The following THBS4 variants were observed in gnomAD, a reference collection of about 807,000 sequenced individuals.
THBS4 encodes thrombospondin 4.
A neutral mutation model predicts 115.7 loss-of-function variants in THBS4; 90 were observed. That is an observed-to-expected ratio of 0.78 (90% CI 0.66 to 0.93). The LOEUF (loss-of-function observed/expected upper bound fraction) is 0.93, where lower values mean the gene tolerates loss of function less well. THBS4 is among the 40% of genes least tolerant of loss of function. THBS4 has a pLI of 0.00. For missense variants in THBS4, 1,087 were observed against 1,232.7 expected (o/e 0.88, Z 1.77); for synonymous variants, 460 against 479.3 (o/e 0.96, Z 0.53).
At chr5:79,998,779 T>G (rs548632060) in intron 2 of THBS4, among the ~76,000 whole-genome samples, 2 of 152,222 alleles carry the variant, frequency 1.3e-5, no homozygotes, top group Non-Finnish European at 2.9e-5. Flanking sequence ...AATGGGCACA[T>G]GAAATATCCA....
chr5:80,051,442 G>A (rs1833254169), intron 2 of THBS4, among the ~76,000 whole-genome samples: 1 of 152,218 alleles, frequency 6.6e-6, no homozygotes, highest in African/African-American at 2.4e-5. Flanking sequence ...AATGGGAAAT[G>A]TCAAGGCACT....
At chr5:80,018,542 C>T (rs1053495144) in intron 2 of THBS4, among the ~76,000 whole-genome samples, 3 of 151,504 alleles carry the variant, frequency 2.0e-5, no homozygotes, top group Non-Finnish European at 4.4e-5. Flanking sequence ...TTAGAGGCAC[C>T]TGCCACCACA....
chr5:80,040,002 C>A, intron 1 of THBS4, 75 bp from the exon 2 acceptor site: 1 of 1,323,442 alleles, frequency 7.6e-7, no homozygotes. Flanking sequence ...AATTGCACCC[C>A]CCCCAAACAA....
At chr5:80,009,489 G>A (rs2438615) in intron 2 of THBS4, among the ~76,000 whole-genome samples, 7 of 151,926 alleles carry the variant, frequency 4.6e-5, no homozygotes, top group Admixed American at 1.3e-4. Context: ...AGGAATTAAC[G>A]TTTAGAGTCT....
At chr5:80,040,523 G>A (rs1832866406) in intron 2 of THBS4, among the ~76,000 whole-genome samples, 1 of 152,128 alleles carries the variant, frequency 6.6e-6, no homozygotes, top group African/African-American at 2.4e-5. Flanking sequence ...GATGCTTTTT[G>A]ACATTGTCTC....
chr5:80,007,080 A>T (rs918962303), intron 2 of THBS4, among the ~76,000 whole-genome samples: 2 of 152,210 alleles, frequency 1.3e-5, no homozygotes, highest in Non-Finnish European at 2.9e-5. Context: ...ATACAGTCTC[A>T]GAAGGAGCAG....
chr5:80,015,849 G>A (rs776063073), intron 2 of THBS4, among the ~76,000 whole-genome samples: 45 of 152,220 alleles, frequency 3.0e-4, no homozygotes, highest in Non-Finnish European at 5.0e-4. Flanking sequence ...TCATTAAAAG[G>A]CAAGGTATCT....
In THBS4 at chr5:80,079,227, G is replaced by C. The variant is rs753756205; in HGVS notation, c.2480G>C (p.Arg827Pro). Residue 827 changes from arginine (R) to proline (P), a missense_variant, in exon 19 of 22, where the codon CGA becomes CCA. Arg to Pro is a moderately radical substitution (Grantham distance 103, BLOSUM62 -2). Transcript: ENST00000350881. Reference protein sequence around the residue: ...EQTYWQATPFRAVAEPGIQLK... With the variant: ...EQTYWQATPFPAVAEPGIQLK... The stretch of plus-strand genomic sequence containing the variant: ...ACATATTGGCAAGCCACCCCATTCC[G>C]AGCAGTTGCAGAACCTGGCATTCAG... 6.2e-7 allele frequency: 1 copy of C among 1,613,194 alleles called. No individual in the cohort carries two copies. The highest frequency in any genetic ancestry group is 2.2e-5 in the East Asian group (1 of 44,882).
intron 2 of THBS4, among the ~76,000 whole-genome samples, chr5:80,049,614 ATT>A (rs1451270342): frequency 2.0e-5 from 3 of 152,192 alleles, no homozygotes; most frequent in Admixed American, 1.3e-4. Context: ...GACACACTCT[ATT>A]TTATCTATTT....
intron 2 of THBS4, among the ~76,000 whole-genome samples, chr5:80,029,276 G>A (rs1330480860): frequency 6.6e-6 from 1 of 152,146 alleles, no homozygotes; most frequent in Admixed American, 6.5e-5. Flanking sequence ...CACTCAGTAA[G>A]GGATATTCCT....
chr5:80,082,963 G>A (rs1183330725), intron 21 of THBS4, 117 bp from the exon 22 acceptor site: 2 of 589,826 alleles, frequency 3.4e-6, no homozygotes, highest in Non-Finnish European at 5.0e-6. Context: ...GAGGGCCTGC[G>A]GGGCGTCCTG....
In THBS4 at chr5:80,045,072, A is replaced by G. The variant is rs180946761; in HGVS notation, c.292+4792A>G. On this transcript the variant is annotated intron_variant, in intron 2 of 21. Transcript: ENST00000350881. Reference sequence around the variant, plus strand: ...CTCACAGGCTGGTTGCAAGAACTGAATTATATAAGGTATAATAACTTTCTT... The same window carrying G: ...CTCACAGGCTGGTTGCAAGAACTGAGTTATATAAGGTATAATAACTTTCTT... Among the ~76,000 whole-genome samples the G allele has an allele frequency of 7.7e-3, 1,178 of 152,324 alleles. 9 individuals are homozygous for G. Among genetic ancestry groups the G allele is most frequent in the Non-Finnish European group, 0.013 (910 of 68,026 alleles).
chr5:80,028,817 T>G (rs1443436025), intron 2 of THBS4, among the ~76,000 whole-genome samples: 1 of 152,170 alleles, frequency 6.6e-6, no homozygotes, highest in African/African-American at 2.4e-5. Context: ...TTCTGGCTTC[T>G]CCTTCTACTA....
intron 2 of THBS4, among the ~76,000 whole-genome samples, chr5:80,007,392 A>G (rs539510172): frequency 6.6e-6 from 1 of 152,342 alleles, no homozygotes; most frequent in South Asian, 2.1e-4. Context: ...TTCAAAGGGC[A>G]GCCTTTGTGT....
chr5:80,043,496 G>A (rs574657542), intron 2 of THBS4, among the ~76,000 whole-genome samples: 20 of 152,264 alleles, frequency 1.3e-4, no homozygotes, highest in African/African-American at 3.4e-4. Context: ...GCTGATTTGC[G>A]TGGAAAACGG....
At chr5:80,079,762 A>G (rs1743395627) in intron 19 of THBS4, 143 bp from the exon 20 acceptor site, 1 of 815,682 alleles carries the variant, frequency 1.2e-6, no homozygotes, top group Admixed American at 2.8e-5. Flanking sequence ...TAGAAATGAC[A>G]TTTAAGTGTT....
At chr5:80,042,261 G>C (rs1832926838) in intron 2 of THBS4, among the ~76,000 whole-genome samples, 1 of 152,202 alleles carries the variant, frequency 6.6e-6, no homozygotes, top group African/African-American at 2.4e-5. Context: ...CCTAGCATCT[G>C]CTGAAGGAAC....
intron 2 of THBS4, among the ~76,000 whole-genome samples, chr5:79,999,113 A>G (rs143346513): frequency 0.012 from 1,873 of 152,326 alleles, 20 homozygotes; most frequent in Middle Eastern, 0.065. Flanking sequence ...GGCTAAAGAT[A>G]CATTTCAAAG....
rs759769438 is a variant in THBS4, at chr5:80,059,896, T to C, written c.978T>C (p.Asp326=). The C allele has an allele frequency of 1.9e-6, 3 of 1,613,796 alleles. No homozygotes were observed. Among genetic ancestry groups the C allele is most frequent in the South Asian group, 1.1e-5 (1 of 91,084 alleles). ...GYTGNGITCI[D]VDECKYHPCY... Reference sequence around the variant, plus strand: ...CAGGAAACGGGATCACCTGTATTGATGTTGATGAGGTAAAAGTTCACTTAG... The same window carrying C: ...CAGGAAACGGGATCACCTGTATTGACGTTGATGAGGTAAAAGTTCACTTAG... The change falls in exon 7 of 22, where the codon GAT becomes GAC. Residue 326 remains aspartate, a synonymous_variant. Coordinates refer to ENST00000350881, the MANE Select transcript of THBS4 (RefSeq NM_003248.6).
Sources: allele counts gnomAD v4.1 joint callset (sites outside exome capture counted in the v4.1 genomes callset), GRCh38; gene constraint gnomAD v4.1.1; transcripts MANE v1.5; gene names NCBI Gene and HGNC (gene_info 2026-07-23, HGNC 2026-07-21).